Variants in PARVA observed in about 807,000 individuals in gnomAD.
PARVA encodes the protein parvin alpha.
A neutral mutation model predicts 52.6 loss-of-function variants in PARVA; 25 were observed. That is an observed-to-expected ratio of 0.48 (90% CI 0.35 to 0.66). PARVA has a LOEUF of 0.66. Ranked by LOEUF, PARVA falls within the 30% of genes least tolerant of loss-of-function variation. The pLI is 0.01. For missense variants in PARVA, 373 were observed against 450.9 expected, an observed-to-expected ratio of 0.83 and a Z score of 1.56; for synonymous variants, 185 against 179.1, an observed-to-expected ratio of 1.03 and a Z score of -0.26.
intron 4 of PARVA, chr11:12,480,026 G>C (rs537928157): frequency 1.3e-5 from 2 of 152,144 alleles, no homozygotes; most frequent in East Asian, 3.9e-4. Flanking sequence ...GAGTTTAAGA[G>C]CAGCCTGGTC....
In PARVA at chr11:12,439,945, G is replaced by A. The variant is rs116951150; in HGVS notation, c.137-33800G>A. On this transcript the variant is annotated intron_variant, in intron 1 of 12. Coordinates refer to ENST00000334956, the MANE Select transcript of PARVA (RefSeq NM_018222.5). ...ACCTGTTTAAATATAGCACTTCCTG[G>A]TTCTCTTTATTCCCATCGCCCTATT... is the stretch of plus-strand genomic sequence containing the variant. Among the ~76,000 whole-genome samples, 39 of 152,234 alleles carry A rather than the reference G, an allele frequency of 2.6e-4. No homozygotes were observed. In the East Asian group the frequency reaches 4.6e-3, roughly 18 times the overall value.
rs1345229096 is a variant in PARVA at position 12,523,311 on chromosome 11, A to G, written c.1043-4538A>G. On this transcript the variant is annotated intron_variant, in intron 12 of 12. Transcript: ENST00000334956. ...GCTGGGGGCTAGAGCATAAGTAACC[A>G]CCTAGTGGCCACCTAACTGATTCCA... is the stretch of plus-strand genomic sequence containing the variant. Among the ~76,000 whole-genome samples, 4 of 151,994 alleles carry G rather than the reference A, an allele frequency of 2.6e-5. No individual in the cohort carries two copies. In the East Asian group the frequency reaches 7.7e-4, roughly 29 times the overall value.
intron 4 of PARVA, among the ~76,000 whole-genome samples, chr11:12,484,031 T>C (rs992903235): frequency 1.3e-5 from 2 of 152,190 alleles, no homozygotes; most frequent in Admixed American, 6.5e-5. Context: ...TCTTACTCCA[T>C]GGCATCAATA....
At chr11:12,495,233 G>A (rs774265830) in intron 4 of PARVA, among the ~76,000 whole-genome samples, 18 of 152,160 alleles carry the variant, frequency 1.2e-4, no homozygotes, top group Non-Finnish European at 2.5e-4. Flanking sequence ...GGTAAGAATA[G>A]CTTGAGATTG....
intron 11 of PARVA, among the ~76,000 whole-genome samples, chr11:12,517,935 G>A (rs1004318736): frequency 1.2e-4 from 19 of 152,162 alleles, no homozygotes; most frequent in Admixed American, 2.0e-4. Flanking sequence ...AGCCTGGCCC[G>A]GGTCCCCTGC....
chr11:12,438,823 G>A (rs556997841), intron 1 of PARVA, among the ~76,000 whole-genome samples: 113 of 152,252 alleles, frequency 7.4e-4, no homozygotes, highest in African/African-American at 2.6e-3. Context: ...TTTGAACCCA[G>A]GGCTTAAATC....
At chr11:12,462,600 T>C (rs1346723729) in intron 1 of PARVA, among the ~76,000 whole-genome samples, 4 of 152,226 alleles carry the variant, frequency 2.6e-5, no homozygotes, top group African/African-American at 4.8e-5. Flanking sequence ...TACATTTGTA[T>C]TGTGTTATGC....
chr11:12,494,777 CAAT>C (rs1941277219), intron 4 of PARVA, among the ~76,000 whole-genome samples: 1 of 152,078 alleles, frequency 6.6e-6, no homozygotes, highest in African/African-American at 2.4e-5. Context: ...AATGTATAGA[CAAT>C]GATGCAACAC....
At chr11:12,380,407 A>G (rs1939467489) in intron 1 of PARVA, among the ~76,000 whole-genome samples, 1 of 150,632 alleles carries the variant, frequency 6.6e-6, no homozygotes, top group Non-Finnish European at 1.5e-5. Context: ...GACTGGAACT[A>G]TAGTCATAGA....
chr11:12,532,389 G>C lies in PARVA; in HGVS notation c.*4464G>C, dbSNP rs1941783283. On this transcript the variant is annotated 3_prime_UTR_variant, in exon 13 of 13. Coordinates refer to ENST00000334956, the MANE Select transcript of PARVA (RefSeq NM_018222.5). ...CATAATGCGTATTAGGACTTTCTAA[G>C]GGAAGACGGGGTACGATGGGTCCCA... Among the ~76,000 whole-genome samples, 1 of 152,196 alleles carries C rather than the reference G, an allele frequency of 6.6e-6. No homozygotes were observed. The highest frequency in any genetic ancestry group is 1.5e-5 in the Non-Finnish European group (1 of 68,036).
At chr11:12,392,265 C>A (rs1000408995) in intron 1 of PARVA, among the ~76,000 whole-genome samples, 1 of 146,252 alleles carries the variant, frequency 6.8e-6, no homozygotes, top group African/African-American at 2.6e-5. Flanking sequence ...GTACTTCATT[C>A]CTTTTTTTTT....
At chr11:12,472,440 G>A (rs1158482504) in intron 1 of PARVA, among the ~76,000 whole-genome samples, 2 of 152,134 alleles carry the variant, frequency 1.3e-5, no homozygotes, top group Non-Finnish European at 2.9e-5. Context: ...GATCAAGGTG[G>A]TGACTGGCTG....
In PARVA at chr11:12,508,616, C is replaced by G. The variant is rs1335215698; in HGVS notation, c.690C>G (p.Ile230Met). 1.9e-6 allele frequency: 3 copies of G among 1,609,796 alleles called. No individual in the cohort carries two copies. The highest frequency in any genetic ancestry group is 2.5e-6 in the Non-Finnish European group (3 of 1,177,944). The change falls in exon 7 of 13, where the codon ATC (isoleucine) becomes ATG (methionine). Residue 230 changes from isoleucine to methionine, a missense_variant. Coordinates refer to ENST00000334956, the MANE Select transcript of PARVA (RefSeq NM_018222.5). The part of the protein sequence containing the change: ...KREGILQSRQ[I>M]QEEITGNTEA... Reference sequence around the variant, plus strand: ...AAGGAATCCTCCAGTCTCGGCAAATCCAAGAGGAAATAACTGGTAACACAG... The same window carrying G: ...AAGGAATCCTCCAGTCTCGGCAAATGCAAGAGGAAATAACTGGTAACACAG...
chr11:12,526,327 T>C (rs1941700911), intron 12 of PARVA, among the ~76,000 whole-genome samples: 2 of 152,174 alleles, frequency 1.3e-5, no homozygotes, highest in South Asian at 4.1e-4. Flanking sequence ...GACCAGAGCA[T>C]TGCTAGAATC....
chr11:12,437,461 C>T (rs1473787305), intron 1 of PARVA, among the ~76,000 whole-genome samples: 2 of 152,216 alleles, frequency 1.3e-5, no homozygotes, highest in African/African-American at 4.8e-5. Context: ...AGCATCATCA[C>T]AGTGTATGAA....
chr11:12,395,294 C>CTGTA (rs1011695295), intron 1 of PARVA, among the ~76,000 whole-genome samples: 2 of 152,106 alleles, frequency 1.3e-5, no homozygotes, highest in Non-Finnish European at 2.9e-5. Flanking sequence ...TGTAGACTTT[C>CTGTA]TGTAGTCCCC....
At chr11:12,435,780 C>G (rs1359961662) in intron 1 of PARVA, among the ~76,000 whole-genome samples, 2 of 150,534 alleles carry the variant, frequency 1.3e-5, no homozygotes, top group Non-Finnish European at 3.0e-5. Context: ...CTGGCTATAT[C>G]TCTGTTTTTT....
At chr11:12,432,482 G>A (rs535025718) in intron 1 of PARVA, among the ~76,000 whole-genome samples, 1 of 152,328 alleles carries the variant, frequency 6.6e-6, no homozygotes, top group African/African-American at 2.4e-5. Context: ...CATGGGATAT[G>A]ATGCTTTGTC....
intron 1 of PARVA, among the ~76,000 whole-genome samples, chr11:12,461,540 G>A (rs1040719553): frequency 4.6e-5 from 7 of 152,194 alleles, no homozygotes; most frequent in African/African-American, 1.4e-4. Flanking sequence ...CTGTATGCCT[G>A]TTTTGTGTTT....
Sources: allele counts gnomAD v4.1 joint callset (sites outside exome capture counted in the v4.1 genomes callset), GRCh38; gene constraint gnomAD v4.1.1; transcripts MANE v1.5; gene names NCBI Gene and HGNC (gene_info 2026-07-23, HGNC 2026-07-21).